The following DOK5 variants were observed in gnomAD, a reference collection of about 807,000 sequenced individuals.
DOK5 encodes the protein docking protein 5.
DOK5 carries 27 observed loss-of-function variants against 43.3 expected under a neutral mutation model. That is an observed-to-expected ratio of 0.62 (90% CI 0.46 to 0.86). The LOEUF (loss-of-function observed/expected upper bound fraction) is 0.86, where lower values mean the gene tolerates loss of function less well. DOK5 is among the 40% of genes least tolerant of loss of function. DOK5 has a pLI of 0.00. For synonymous variants in DOK5, 146 were observed against 140.1 expected (o/e 1.04, Z -0.30); for missense variants, 373 against 392.9 (o/e 0.95, Z 0.43).
chr20:54,624,631 A>G (rs777050804), intron 6 of DOK5, among the ~76,000 whole-genome samples: 34 of 152,042 alleles, frequency 2.2e-4, no homozygotes, highest in Non-Finnish European at 3.8e-4. Context: ...GTCCCTAAGG[A>G]TATCTATTTC....
chr20:54,522,595 C>T (rs1983446980), intron 1 of DOK5, among the ~76,000 whole-genome samples: 2 of 150,870 alleles, frequency 1.3e-5, no homozygotes, highest in African/African-American at 4.9e-5. Flanking sequence ...TCTTGGCTCA[C>T]TGCAACCTCT....
At chr20:54,494,584 C>T (rs1439626021) in intron 1 of DOK5, among the ~76,000 whole-genome samples, 1 of 152,156 alleles carries the variant, frequency 6.6e-6, no homozygotes, top group Admixed American at 6.5e-5. Flanking sequence ...TAGCTTGGCC[C>T]ATGGTTCTCC....
intron 5 of DOK5, among the ~76,000 whole-genome samples, chr20:54,596,896 C>T (rs1333805538): frequency 1.3e-5 from 2 of 152,142 alleles, no homozygotes; most frequent in Non-Finnish European, 2.9e-5. Context: ...TTCATTCTAG[C>T]TCCATATGGT....
chr20:54,618,681 C>T (rs1452601977), intron 6 of DOK5, among the ~76,000 whole-genome samples: 1 of 152,002 alleles, frequency 6.6e-6, no homozygotes, highest in Admixed American at 6.6e-5. Context: ...AATCAGAGTA[C>T]CTTTCAGAAG....
At chr20:54,479,899 C>T (rs185397030) in intron 1 of DOK5, among the ~76,000 whole-genome samples, 13 of 152,154 alleles carry the variant, frequency 8.5e-5, no homozygotes, top group African/African-American at 3.1e-4. Flanking sequence ...TCATCTCCCA[C>T]CCCTACAGGC....
intron 1 of DOK5, among the ~76,000 whole-genome samples, chr20:54,535,714 A>G (rs539986524): frequency 3.9e-5 from 6 of 152,194 alleles, no homozygotes; most frequent in Non-Finnish European, 5.9e-5. Flanking sequence ...GCCCTTCTCC[A>G]TGGTATAAAA....
At chr20:54,586,227 A>G (rs181631220) in intron 2 of DOK5, among the ~76,000 whole-genome samples, 7 of 152,286 alleles carry the variant, frequency 4.6e-5, no homozygotes, top group Admixed American at 1.3e-4. Flanking sequence ...CTGGCAACTC[A>G]AGTCTAGCTG....
intron 2 of DOK5, among the ~76,000 whole-genome samples, chr20:54,558,235 A>G (rs1367626532): frequency 6.6e-6 from 1 of 152,240 alleles, no homozygotes; most frequent in Non-Finnish European, 1.5e-5. Context: ...ACCAAAGTGG[A>G]TGAAAAAGCT....
At chr20:54,525,435 C>T (rs1042821657) in intron 1 of DOK5, among the ~76,000 whole-genome samples, 1 of 152,114 alleles carries the variant, frequency 6.6e-6, no homozygotes, top group East Asian at 1.9e-4. Flanking sequence ...ATTGAAGTAC[C>T]CTAAAGAGCA....
intron 1 of DOK5, among the ~76,000 whole-genome samples, chr20:54,518,239 A>G (rs1283268806): frequency 1.3e-5 from 2 of 152,008 alleles, no homozygotes; most frequent in Admixed American, 6.6e-5. Flanking sequence ...TCGTCATTTA[A>G]CATTAGGTAT....
At position 54,651,146 on chromosome 20, in the gene DOK5, A is replaced by C. The variant is rs950985465; in HGVS notation, c.*667A>C. On this transcript the variant is annotated 3_prime_UTR_variant, in exon 8 of 8. Coordinates refer to ENST00000262593, the MANE Select transcript of DOK5 (RefSeq NM_018431.5). ...CGGAGTCTCTTCATAAAACATTTGA[A>C]AATAAAAGATCATTCTTCACCCATA... 9.9e-5 allele frequency: 15 copies of C among 152,244 alleles called. No homozygotes were observed. The highest frequency in any genetic ancestry group is 5.9e-5 in the Non-Finnish European group (4 of 68,054). The allele number at this position is 152,244 out of a possible 1,614,324, so 9.4% of individuals were successfully genotyped here. A position where few individuals can be genotyped will look rare whatever the true frequency, so the allele number is the denominator to read the frequency against.
chr20:54,526,120 G>A (rs1479234424), intron 1 of DOK5, among the ~76,000 whole-genome samples: 4 of 149,900 alleles, frequency 2.7e-5, no homozygotes, highest in Non-Finnish European at 5.9e-5. Flanking sequence ...AAGCCTGCGT[G>A]AAAGTAAACC....
chr20:54,478,875 A>G (rs1437267457), intron 1 of DOK5, among the ~76,000 whole-genome samples: 2 of 152,238 alleles, frequency 1.3e-5, no homozygotes, highest in Admixed American at 1.3e-4. Flanking sequence ...AGACGGATAT[A>G]GGAATTATCT....
intron 2 of DOK5, among the ~76,000 whole-genome samples, chr20:54,566,831 G>A (rs2146742806): frequency 6.6e-6 from 1 of 152,198 alleles, no homozygotes; most frequent in Admixed American, 6.5e-5. Flanking sequence ...TGCCCAGGCT[G>A]GACTTGAACT....
At chr20:54,533,796 TTTA>T (rs955200662) in intron 1 of DOK5, among the ~76,000 whole-genome samples, 2 of 152,238 alleles carry the variant, frequency 1.3e-5, no homozygotes, top group African/African-American at 4.8e-5. Context: ...TCTGATTTTG[TTTA>T]TTATTTGCTT....
chr20:54,530,266 A>G (rs1424247498), intron 1 of DOK5, among the ~76,000 whole-genome samples: 1 of 152,194 alleles, frequency 6.6e-6, no homozygotes, highest in Non-Finnish European at 1.5e-5. Context: ...TTCTGGCTTG[A>G]GAGTCTGCCC....
At chr20:54,625,655 AGT>A (rs1435679461) in intron 6 of DOK5, among the ~76,000 whole-genome samples, 1 of 152,132 alleles carries the variant, frequency 6.6e-6, no homozygotes, top group Non-Finnish European at 1.5e-5. Context: ...CCTTCTACAA[AGT>A]GTGGATTATA....
intron 2 of DOK5, among the ~76,000 whole-genome samples, chr20:54,557,958 A>G (rs1267129755): frequency 6.6e-6 from 1 of 152,260 alleles, no homozygotes; most frequent in Non-Finnish European, 1.5e-5. Flanking sequence ...GATGGGAGAC[A>G]TGATTCACTA....
At chr20:54,642,125 C>T (rs1442003854) in intron 6 of DOK5, among the ~76,000 whole-genome samples, 2 of 152,068 alleles carry the variant, frequency 1.3e-5, no homozygotes, top group Admixed American at 6.5e-5. Flanking sequence ...GCGTTGACCC[C>T]GTTCACCTTT....
Sources: allele counts gnomAD v4.1 joint callset (sites outside exome capture counted in the v4.1 genomes callset), GRCh38; gene constraint gnomAD v4.1.1; transcripts MANE v1.5; gene names NCBI Gene and HGNC (gene_info 2026-07-23, HGNC 2026-07-21).